The following ZNF860 variants were observed in gnomAD, a reference collection of about 807,000 sequenced individuals.
ZNF860 encodes zinc finger protein 860.
For synonymous variants in ZNF860, 206 were observed against 248.9 expected (o/e 0.83, Z 1.62); for missense variants, 641 against 759.2 (o/e 0.84, Z 1.83).
the ZNF860 span, among the ~76,000 whole-genome samples, chr3:32,002,125 A>T: frequency 6.6e-6 from 1 of 152,176 alleles, no homozygotes; most frequent in African/African-American, 2.4e-5. Context: ...AAGTCCATCT[A>T]GGGGAAAACA....
chr3:31,984,100 C>T lies in ZNF860; in HGVS notation c.-421+2198C>T, dbSNP rs565653267. 5.3e-4 allele frequency among the ~76,000 whole-genome samples: 81 copies of T among 152,140 alleles called. 1 individual carries two copies. Among genetic ancestry groups the T allele is most frequent in the Middle Eastern group, 3.4e-3 (1 of 294 alleles). On this transcript the variant is annotated intron_variant, in intron 1 of 1. Transcript: ENST00000360311. ...TCACCCAGGCTGGAGTGTAGTGGCA[C>T]GACCTCAGCTCACTGCAAGCCCTGC...
In ZNF860 at chr3:31,988,962, G is replaced by A; in HGVS notation, c.-118G>A. ...GACTGTGAGATAATCAGTGTTTGTT[G>A]CCTTAAGCCACGAAGTTTGTGATAA... On this transcript the variant is annotated 5_prime_UTR_variant, in exon 2 of 2. Transcript: ENST00000360311. 1 of 1,361,264 alleles carries A rather than the reference G, an allele frequency of 7.3e-7. No individual in the cohort carries two copies. The highest frequency in any genetic ancestry group is 1.0e-6 in the Non-Finnish European group (1 of 993,154). 84.3% of individuals were successfully genotyped at this position (1,361,264 alleles called of 1,614,324 possible).
the ZNF860 span, among the ~76,000 whole-genome samples, chr3:31,999,657 G>A: frequency 2.7e-4 from 41 of 152,060 alleles, no homozygotes; most frequent in South Asian, 4.4e-3. Flanking sequence ...CACCGTGCCC[G>A]GCCTCAAAAT....
At chr3:31,983,273 C>G (rs1432691450) in intron 1 of ZNF860, among the ~76,000 whole-genome samples, 1 of 152,214 alleles carries the variant, frequency 6.6e-6, no homozygotes, top group Admixed American at 6.5e-5. Flanking sequence ...TAAATGTCAG[C>G]ATTATGTACC....
chr3:31,997,265 C>CTT, the ZNF860 span, among the ~76,000 whole-genome samples: 4 of 147,208 alleles, frequency 2.7e-5, no homozygotes, highest in East Asian at 8.0e-4. Context: ...GAACATCATT[C>CTT]TTTTTTTTTT....
intron 1 of ZNF860, among the ~76,000 whole-genome samples, chr3:31,984,420 A>T (rs1575077724): frequency 6.6e-6 from 1 of 150,880 alleles, no homozygotes; most frequent in Non-Finnish European, 1.5e-5. Flanking sequence ...TGGGTGAGGG[A>T]TGAAATTATA....
In ZNF860 at chr3:31,988,839, G is replaced by A; in HGVS notation, c.-241G>A. 1 of 563,404 alleles carries A rather than the reference G, an allele frequency of 1.8e-6. No homozygotes were observed. Among genetic ancestry groups the A allele is most frequent in the Non-Finnish European group, 3.1e-6 (1 of 319,296 alleles). 34.9% of individuals were successfully genotyped at this position (563,404 alleles called of 1,614,324 possible). On this transcript the variant is annotated 5_prime_UTR_variant, in exon 2 of 2. Coordinates refer to ENST00000360311, the MANE Select transcript of ZNF860 (RefSeq NM_001137674.3). ...AGTAGGTTGTCACCAGTCAAGCCTT[G>A]AGATGACTGCAGCCATGACCCACAG...
chr3:32,004,754 C>T, the ZNF860 span, among the ~76,000 whole-genome samples: 2 of 152,114 alleles, frequency 1.3e-5, no homozygotes, highest in East Asian at 3.9e-4. Flanking sequence ...CAGACACATG[C>T]GCAGTTATTT....
At chr3:32,001,955 A>G in the ZNF860 span, among the ~76,000 whole-genome samples, 1 of 152,168 alleles carries the variant, frequency 6.6e-6, no homozygotes, top group Non-Finnish European at 1.5e-5. Context: ...TATCATCTTC[A>G]TTTTGAGATG....
intron 1 of ZNF860, among the ~76,000 whole-genome samples, chr3:31,987,912 A>T (rs966449621): frequency 6.6e-6 from 1 of 152,248 alleles, no homozygotes; most frequent in South Asian, 2.1e-4. Flanking sequence ...ATAGGAAAAA[A>T]TACTTATGAA....
In ZNF860 at chr3:31,989,576, T is replaced by G. The variant is rs535280784; in HGVS notation, c.497T>G (p.Leu166Arg). Reference protein sequence around the residue: ...GLSFHSHLPELHIFQTKGKVG... With the variant: ...GLSFHSHLPERHIFQTKGKVG... ...AGCTTTCATTCGCATCTTCCTGAAC[T>G]CCACATATTTCAGACCAAAGGGAAA... The change falls in exon 2 of 2, where the codon CTC becomes CGC. Residue 166 changes from leucine to arginine, a missense_variant. Leu to Arg is a moderately radical substitution (Grantham distance 102). Transcript: ENST00000360311. The G allele has an allele frequency of 6.2e-7, 1 of 1,614,172 alleles. No individual in the cohort carries two copies. The highest frequency in any genetic ancestry group is 8.5e-7 in the Non-Finnish European group (1 of 1,180,030).
Position 31,990,885 on chromosome 3 carries a change from CTT to C in ZNF860, c.1808_1809del (p.Phe603TyrfsTer8), listed in dbSNP as rs1559544810. 1 of 1,575,654 alleles carries C rather than the reference CTT, an allele frequency of 6.3e-7. No individual in the cohort carries two copies. Among genetic ancestry groups the C allele is most frequent in the Non-Finnish European group, 8.6e-7 (1 of 1,159,414 alleles). ...HHKCDDCGKA[F>X]TSHSHRIRHQ... ...ACAAGTGTGATGATTGTGGCAAAGCCTTTACTTCACATTCACATCGCATTAGA... is the reference window on the plus strand; with the variant it reads ...ACAAGTGTGATGATTGTGGCAAAGCCTACTTCACATTCACATCGCATTAGA... On this transcript the variant is annotated frameshift_variant, in exon 2 of 2. Coordinates refer to ENST00000360311, the MANE Select transcript of ZNF860 (RefSeq NM_001137674.3). LOFTEE classifies it low-confidence loss of function (END_TRUNC).
At chr3:32,000,190 T>C in the ZNF860 span, among the ~76,000 whole-genome samples, 1 of 152,312 alleles carries the variant, frequency 6.6e-6, no homozygotes, top group African/African-American at 2.4e-5. Flanking sequence ...TATACAAGTA[T>C]AAAGCCCTGC....
the ZNF860 span, among the ~76,000 whole-genome samples, chr3:32,003,366 C>T: frequency 1.3e-5 from 2 of 152,180 alleles, no homozygotes; most frequent in African/African-American, 2.4e-5. Context: ...GGAGTTCCCC[C>T]GAGGTTTCCT....
At position 31,989,205 on chromosome 3, in the gene ZNF860, C is replaced by G. The variant is rs572072037; in HGVS notation, c.126C>G (p.Asp42Glu). The change falls in exon 2 of 2, where the codon GAC becomes GAG. Residue 42 changes from aspartate to glutamate, a missense_variant. Physicochemically the swap from Asp to Glu is conservative, Grantham distance 45. Coordinates refer to ENST00000360311, the MANE Select transcript of ZNF860 (RefSeq NM_001137674.3). The stretch of plus-strand genomic sequence containing the variant: ...CTTTGGAGGAGTGGAAATGCCTGGA[C>G]CCTACGCAGAGGGCTTTATACAGGG... Reference protein sequence around the residue: ...EFSLEEWKCLDPTQRALYRAM... With the variant: ...EFSLEEWKCLEPTQRALYRAM... 4.3e-6 allele frequency: 7 copies of G among 1,614,038 alleles called. No individual in the cohort carries two copies. The East Asian group carries it at 1.6e-4, about 36-fold the overall frequency.
rs779171468 is a variant in ZNF860, at chr3:31,989,812, T to C, written c.733T>C (p.Leu245=). 6.6e-5 allele frequency: 107 copies of C among 1,614,010 alleles called. No homozygotes were observed. Among genetic ancestry groups the C allele is most frequent in the Non-Finnish European group, 8.3e-5 (98 of 1,180,022 alleles). Reference sequence around the variant, plus strand: ...CAAAGCCTTTAATTGTAGCTCACTCTTAAGGAAACATCAGATAATCTATTT... The same window carrying C: ...CAAAGCCTTTAATTGTAGCTCACTCCTAAGGAAACATCAGATAATCTATTT... ...SGKAFNCSSL[L]RKHQIIYLGG... The change falls in exon 2 of 2, where the codon TTA becomes CTA. Residue 245 remains leucine, a synonymous_variant. Transcript: ENST00000360311.
chr3:31,988,378 A>C (rs1269984853), intron 1 of ZNF860, among the ~76,000 whole-genome samples: 1 of 152,116 alleles, frequency 6.6e-6, no homozygotes, highest in Non-Finnish European at 1.5e-5. Context: ...GAGTAGGATG[A>C]GTGTGTTGTA....
At chr3:31,987,115 TAC>T (rs71628591) in intron 1 of ZNF860, among the ~76,000 whole-genome samples, 45,752 of 151,104 alleles carry the variant, frequency 0.3, 8,953 homozygotes, top group African/African-American at 0.55. Flanking sequence ...TGTATGTGTA[TAC>T]ACACACACAC....
intron 1 of ZNF860, among the ~76,000 whole-genome samples, chr3:31,987,270 T>A (rs903488552): frequency 2.0e-5 from 3 of 152,250 alleles, no homozygotes; most frequent in African/African-American, 7.2e-5. Flanking sequence ...GAATATAGTA[T>A]AGACAATTTC....
Sources: allele counts gnomAD v4.1 joint callset (sites outside exome capture counted in the v4.1 genomes callset), GRCh38; gene constraint gnomAD v4.1.1; transcripts MANE v1.5; gene names NCBI Gene and HGNC (gene_info 2026-07-23, HGNC 2026-07-21).